KLHL1: variants seen among roughly 807,000 people sequenced by gnomAD.
KLHL1 encodes the protein kelch like family member 1, also known as kelch-like protein 1.
KLHL1 carries 47 observed loss-of-function variants against 77.7 expected under a neutral mutation model. That is an observed-to-expected ratio of 0.60 (90% confidence interval 0.48 to 0.77). The LOEUF is 0.77. KLHL1 is among the 30% of genes least tolerant of loss of function. The probability of loss-of-function intolerance (pLI) is 0.00; values close to 1 mark genes in which losing one functional copy is unlikely to be tolerated. For synonymous variants in KLHL1, 360 were observed against 325.2 expected (o/e 1.11, Z -1.15); for missense variants, 925 against 910.8 (o/e 1.02, Z -0.20).
rs182345660 is a variant in KLHL1 at position 70,067,865 on chromosome 13, T to C, written c.497+39338A>G. Among the ~76,000 whole-genome samples the C allele has an allele frequency of 5.9e-5, 9 of 152,066 alleles. No individual in the cohort carries two copies. In the East Asian group the frequency reaches 1.7e-3, roughly 29 times the overall value. ...TAATATGACAACCAGTGGAGCAAAA[T>C]TTTACCCAAACATAGAAGGATGTAT... is the stretch of plus-strand genomic sequence containing the variant. On this transcript the variant is annotated intron_variant, in intron 1 of 10. Transcript: ENST00000377844.
At chr13:69,954,060 C>T (rs1883793772) in intron 3 of KLHL1, among the ~76,000 whole-genome samples, 1 of 151,148 alleles carries the variant, frequency 6.6e-6, no homozygotes, top group African/African-American at 2.4e-5. Flanking sequence ...TGACCAAGAT[C>T]CATAACTGTA....
intron 1 of KLHL1, among the ~76,000 whole-genome samples, chr13:70,021,364 A>T (rs564012623): frequency 6.6e-6 from 1 of 152,230 alleles, no homozygotes; most frequent in East Asian, 1.9e-4. Context: ...AACACTGAAT[A>T]ATATCCTATT....
intron 7 of KLHL1, among the ~76,000 whole-genome samples, chr13:69,749,895 C>G (rs9645952): frequency 6.6e-6 from 1 of 151,732 alleles, no homozygotes; most frequent in Non-Finnish European, 1.5e-5. Flanking sequence ...ATTCTAAGCT[C>G]TAAACAGTTT....
chr13:70,046,435 G>C (rs900729429), intron 1 of KLHL1, among the ~76,000 whole-genome samples: 2 of 152,106 alleles, frequency 1.3e-5, no homozygotes, highest in African/African-American at 4.8e-5. Flanking sequence ...TCTAGACTTG[G>C]ACCCAGGTTC....
chr13:70,021,332 G>T (rs943752585), intron 1 of KLHL1, among the ~76,000 whole-genome samples: 2 of 151,986 alleles, frequency 1.3e-5, no homozygotes, highest in Non-Finnish European at 2.9e-5. Context: ...GCTTTTCATG[G>T]CTTGATAGGC....
chr13:69,759,205 C>T (rs1159302836), intron 7 of KLHL1, among the ~76,000 whole-genome samples: 1 of 152,098 alleles, frequency 6.6e-6, no homozygotes, highest in Non-Finnish European at 1.5e-5. Flanking sequence ...ACCATGGCCA[C>T]CTGTCCAGAC....
intron 1 of KLHL1, among the ~76,000 whole-genome samples, chr13:70,026,023 A>G (rs1885932262): frequency 6.6e-6 from 1 of 152,126 alleles, no homozygotes; most frequent in Non-Finnish European, 1.5e-5. Context: ...TGGTAATCCA[A>G]TATGCCCTGC....
chr13:69,946,182 G>A (rs1883518809), intron 3 of KLHL1, among the ~76,000 whole-genome samples: 1 of 152,052 alleles, frequency 6.6e-6, no homozygotes, highest in Non-Finnish European at 1.5e-5. Context: ...ACTAGGTGGG[G>A]ATAAGGAAGA....
At chr13:69,857,946 G>A (rs576710779) in intron 5 of KLHL1, among the ~76,000 whole-genome samples, 3 of 151,772 alleles carry the variant, frequency 2.0e-5, no homozygotes, top group East Asian at 1.9e-4. Context: ...ACAATGCTCC[G>A]AATGAATTAC....
chr13:69,703,812 G>A (rs1192236615), intron 10 of KLHL1, among the ~76,000 whole-genome samples: 2 of 151,600 alleles, frequency 1.3e-5, no homozygotes, highest in Non-Finnish European at 3.0e-5. Flanking sequence ...TGTAACCTAG[G>A]AGCAATAGGT....
At chr13:69,924,555 C>A (rs74092665) in intron 4 of KLHL1, among the ~76,000 whole-genome samples, 2,450 of 152,296 alleles carry the variant, frequency 0.016, 58 homozygotes, top group African/African-American at 0.056. Flanking sequence ...GCTGTTCTAT[C>A]ACTTAATAAA....
intron 7 of KLHL1, among the ~76,000 whole-genome samples, chr13:69,769,443 C>G (rs866650103): frequency 6.6e-6 from 1 of 152,120 alleles, no homozygotes; most frequent in Non-Finnish European, 1.5e-5. Context: ...CCTAGGCAGA[C>G]AGGGATGGGT....
intron 9 of KLHL1, among the ~76,000 whole-genome samples, chr13:69,716,814 A>G (rs755126261): frequency 3.9e-5 from 6 of 152,180 alleles, no homozygotes; most frequent in Non-Finnish European, 7.3e-5. Flanking sequence ...CAAATACATG[A>G]AAAACAATAG....
rs531866934 is a variant in KLHL1 at position 69,947,905 on chromosome 13, T to C, written c.818-7669A>G. Among the ~76,000 whole-genome samples, 28 of 152,250 alleles carry C rather than the reference T, an allele frequency of 1.8e-4. No individual in the cohort carries two copies. The South Asian group carries it at 5.6e-3, about 30-fold the overall frequency. On this transcript the variant is annotated intron_variant, in intron 3 of 10. Transcript: ENST00000377844. ...AAACTGCTAATGGAAAGAAAAGTAATTCTACATTTTCATTCACAGTTGATT... is the reference window on the plus strand; with the variant it reads ...AAACTGCTAATGGAAAGAAAAGTAACTCTACATTTTCATTCACAGTTGATT...
intron 4 of KLHL1, among the ~76,000 whole-genome samples, chr13:69,904,343 T>TA (rs1179831000): frequency 6.6e-6 from 1 of 152,132 alleles, no homozygotes; most frequent in Non-Finnish European, 1.5e-5. Flanking sequence ...AATATGAATA[T>TA]AAAAAAGTAT....
At chr13:69,794,472 G>A (rs1383013639) in intron 7 of KLHL1, among the ~76,000 whole-genome samples, 1 of 151,520 alleles carries the variant, frequency 6.6e-6, no homozygotes, top group Admixed American at 6.6e-5. Flanking sequence ...TTAAAGGTGG[G>A]AGAGAGGAAT....
At chr13:69,891,752 T>C in intron 4 of KLHL1, among the ~76,000 whole-genome samples, 1 of 152,066 alleles carries the variant, frequency 6.6e-6, no homozygotes, top group Non-Finnish European at 1.5e-5. Context: ...TGCAAAACAT[T>C]TGCAATTATT....
chr13:69,740,895 C>G (rs943838019), intron 7 of KLHL1, among the ~76,000 whole-genome samples: 1 of 152,004 alleles, frequency 6.6e-6, no homozygotes, highest in African/African-American at 2.4e-5. Flanking sequence ...AATACTAATT[C>G]CCATATTTAT....
chr13:69,936,000 A>G (rs1883176427), intron 4 of KLHL1, among the ~76,000 whole-genome samples: 1 of 151,446 alleles, frequency 6.6e-6, no homozygotes, highest in Admixed American at 6.6e-5. Context: ...TAATTGTATA[A>G]GAAAGTTTAT....
Sources: allele counts gnomAD v4.1 joint callset (sites outside exome capture counted in the v4.1 genomes callset), GRCh38; gene constraint gnomAD v4.1.1; transcripts MANE v1.5; gene names NCBI Gene and HGNC (gene_info 2026-07-23, HGNC 2026-07-21).